The following TMEM38B variants were observed in gnomAD, a reference collection of about 807,000 sequenced individuals.
The protein encoded by TMEM38B is trimeric intracellular cation channel type B.
A neutral mutation model predicts 28.7 loss-of-function variants in TMEM38B; 24 were observed. The ratio of observed to expected loss-of-function variants is 0.84; its 90% CI spans 0.61 to 1.18. The LOEUF (loss-of-function observed/expected upper bound fraction) is 1.18, where lower values mean the gene tolerates loss of function less well. Ranked by LOEUF, TMEM38B falls within the 50% of genes most tolerant of loss-of-function variation. The probability of loss-of-function intolerance (pLI) is 0.00; values close to 1 mark genes in which losing one functional copy is unlikely to be tolerated. For missense variants in TMEM38B, 380 were observed against 350.9 expected (o/e 1.08, Z -0.66); for synonymous variants, 131 against 127.7 (o/e 1.03, Z -0.17).
intron 4 of TMEM38B, among the ~76,000 whole-genome samples, chr9:105,738,979 C>G (rs1837087353): frequency 6.6e-6 from 1 of 152,076 alleles, no homozygotes; most frequent in African/African-American, 2.4e-5. Context: ...TGCCTAGTCT[C>G]CCAAAGTGCT....
rs947450460 is a variant in TMEM38B at position 105,752,054 on chromosome 9, C to T, written c.660+3864C>T. Reference sequence around the variant, plus strand: ...GAAAGAGTTTCCCCACAATGCAGCACAGCTGCTTTGCTAGATCATTACCAG... The same window carrying T: ...GAAAGAGTTTCCCCACAATGCAGCATAGCTGCTTTGCTAGATCATTACCAG... On this transcript the variant is annotated intron_variant, in intron 5 of 5. Transcript: ENST00000374692. Among the ~76,000 whole-genome samples the T allele has an allele frequency of 3.9e-5, 6 of 152,216 alleles. 1 individual carries two copies. The highest frequency in any genetic ancestry group is 2.0e-4 in the Admixed American group (3 of 15,290).
At chr9:105,741,716 C>T (rs1479995672) in intron 4 of TMEM38B, among the ~76,000 whole-genome samples, 4 of 152,104 alleles carry the variant, frequency 2.6e-5, no homozygotes, top group East Asian at 1.9e-4. Context: ...CTTCCTGATG[C>T]TTATAATAAA....
chr9:105,700,643 G>A (rs115662348), intron 1 of TMEM38B, among the ~76,000 whole-genome samples: 2 of 152,060 alleles, frequency 1.3e-5, no homozygotes, highest in African/African-American at 4.8e-5. Flanking sequence ...GATTTCTGTC[G>A]TTTCTATGAA....
rs1826712564 is a variant in TMEM38B at position 105,776,109 on chromosome 9, T to A, written c.*2029T>A. The A allele has an allele frequency of 6.6e-6, 1 of 152,052 alleles. No individual in the cohort carries two copies. Among genetic ancestry groups the A allele is most frequent in the Non-Finnish European group, 1.5e-5 (1 of 68,014 alleles). The allele number at this position is 152,052 out of a possible 1,614,324, so 9.4% of individuals were successfully genotyped here. A position where few individuals can be genotyped will look rare whatever the true frequency, so the allele number is the denominator to read the frequency against. On this transcript the variant is annotated 3_prime_UTR_variant, in exon 6 of 6. Transcript: ENST00000374692. ...AGATTGTTAGACTCCTTACCCAATGTGAAGTGTGAATAAGGCCTATAGGCC... is the reference window on the plus strand; with the variant it reads ...AGATTGTTAGACTCCTTACCCAATGAGAAGTGTGAATAAGGCCTATAGGCC...
intron 2 of TMEM38B, among the ~76,000 whole-genome samples, chr9:105,713,396 C>T (rs948523599): frequency 6.6e-6 from 1 of 152,192 alleles, no homozygotes; most frequent in Non-Finnish European, 1.5e-5. Flanking sequence ...CTGGCCTCTC[C>T]CCAATCTTGG....
chr9:105,774,023 G>T lies in TMEM38B; in HGVS notation c.819G>T (p.Lys273Asn), dbSNP rs902982030. Reference sequence around the variant, plus strand: ...ATGGCGTTGGGTCATTGGCCTCAAAGCCGGTAGATGTTGCCTCAGATAATG... The same window carrying T: ...ATGGCGTTGGGTCATTGGCCTCAAATCCGGTAGATGTTGCCTCAGATAATG... ...PSNGVGSLAS[K>N]PVDVASDNVK... The change falls in exon 6 of 6, where the codon AAG (lysine) becomes AAT (asparagine). Residue 273 changes from lysine (K) to asparagine (N), a missense_variant. Physicochemically the swap from Lys to Asn is moderately conservative, Grantham distance 94. Transcript: ENST00000374692. 1.9e-6 allele frequency: 3 copies of T among 1,613,694 alleles called. No individual in the cohort carries two copies. The highest frequency in any genetic ancestry group is 2.5e-6 in the Non-Finnish European group (3 of 1,179,772).
intron 4 of TMEM38B, among the ~76,000 whole-genome samples, chr9:105,737,788 G>C (rs1243884677): frequency 6.6e-6 from 1 of 152,180 alleles, no homozygotes; most frequent in Non-Finnish European, 1.5e-5. Context: ...CAGCTCCGGT[G>C]CTGCTTTGGC....
Position 105,694,604 on chromosome 9 carries a change from G to A in TMEM38B, c.-57G>A. ...TGTGCCCTCTCCTACTCCTCACCGC[G>A]CGAGCGCGGGGAACCAGTAGCCGCG... On this transcript the variant is annotated 5_prime_UTR_variant, in exon 1 of 6. Coordinates refer to ENST00000374692, the MANE Select transcript of TMEM38B (RefSeq NM_018112.3). The A allele has an allele frequency of 6.8e-7, 1 of 1,480,178 alleles. No individual in the cohort carries two copies. Among genetic ancestry groups the A allele is most frequent in the Non-Finnish European group, 9.4e-7 (1 of 1,061,696 alleles). 91.7% of individuals were successfully genotyped at this position (1,480,178 alleles called of 1,614,324 possible).
chr9:105,695,490 C>T (rs1389669251), intron 1 of TMEM38B, among the ~76,000 whole-genome samples: 1 of 152,186 alleles, frequency 6.6e-6, no homozygotes, highest in Non-Finnish European at 1.5e-5. Flanking sequence ...CTTGAAACAG[C>T]ATTTTGAGTT....
chr9:105,742,378 A>C (rs1028914986), intron 4 of TMEM38B, among the ~76,000 whole-genome samples: 1 of 152,138 alleles, frequency 6.6e-6, no homozygotes, highest in African/African-American at 2.4e-5. Flanking sequence ...TCCTAATGGA[A>C]TTTGCCCTTC....
At chr9:105,724,099 G>A (rs909887482) in intron 4 of TMEM38B, among the ~76,000 whole-genome samples, 14 of 152,068 alleles carry the variant, frequency 9.2e-5, no homozygotes, top group Non-Finnish European at 1.9e-4. Context: ...GCCTCCCAAA[G>A]TGCTGGGATT....
At chr9:105,731,300 T>C (rs958254808) in intron 4 of TMEM38B, among the ~76,000 whole-genome samples, 8 of 114,454 alleles carry the variant, frequency 7.0e-5, no homozygotes, top group African/African-American at 3.1e-4. Context: ...ACATCTTTAT[T>C]ATTATTATTA....
chr9:105,755,853 A>G (rs181355529), intron 5 of TMEM38B, among the ~76,000 whole-genome samples: 23 of 152,350 alleles, frequency 1.5e-4, no homozygotes, highest in Admixed American at 2.6e-4. Context: ...ACAAATATGT[A>G]GAAATACAAT....
chr9:105,753,514 A>G (rs1160939622), intron 5 of TMEM38B, among the ~76,000 whole-genome samples: 2 of 152,220 alleles, frequency 1.3e-5, no homozygotes, highest in Non-Finnish European at 2.9e-5. Flanking sequence ...CCAATATTCA[A>G]TATTCTTAAA....
chr9:105,730,932 T>C (rs992841164), intron 4 of TMEM38B, among the ~76,000 whole-genome samples: 2 of 152,180 alleles, frequency 1.3e-5, no homozygotes, highest in Admixed American at 1.3e-4. Context: ...CATTTTTTAT[T>C]GCGTCTATTT....
rs768066355 is a variant in TMEM38B, at chr9:105,748,133, G to A, written c.603G>A (p.Leu201=). ...TCACATTCCAGCACACCCAGCATCT[G>A]GCAATATCAAAGCATAATCTTATGT... ...VIFTFQHTQH[L]AISKHNLMFL... Residue 201 remains leucine (L), a synonymous_variant, in exon 5 of 6, where the codon CTG becomes CTA. Coordinates refer to ENST00000374692, the MANE Select transcript of TMEM38B (RefSeq NM_018112.3). The A allele has an allele frequency of 1.2e-6, 2 of 1,613,548 alleles. No homozygotes were observed. Among genetic ancestry groups the A allele is most frequent in the South Asian group, 2.2e-5 (2 of 91,040 alleles).
In TMEM38B at chr9:105,694,603, C is replaced by T; in HGVS notation, c.-58C>T. Reference sequence around the variant, plus strand: ...CTGTGCCCTCTCCTACTCCTCACCGCGCGAGCGCGGGGAACCAGTAGCCGC... The same window carrying T: ...CTGTGCCCTCTCCTACTCCTCACCGTGCGAGCGCGGGGAACCAGTAGCCGC... On this transcript the variant is annotated 5_prime_UTR_variant, in exon 1 of 6. Coordinates refer to ENST00000374692, the MANE Select transcript of TMEM38B (RefSeq NM_018112.3). The T allele has an allele frequency of 2.7e-6, 4 of 1,474,634 alleles. No homozygotes were observed. The highest frequency in any genetic ancestry group is 1.7e-5 in the Admixed American group (1 of 59,284). 91.3% of individuals were successfully genotyped at this position (1,474,634 alleles called of 1,614,324 possible).
chr9:105,741,045 C>T (rs1000509546), intron 4 of TMEM38B, among the ~76,000 whole-genome samples: 10 of 152,156 alleles, frequency 6.6e-5, no homozygotes, highest in Non-Finnish European at 1.3e-4. Context: ...TCTGGTGGGA[C>T]GGAATGCAGT....
At chr9:105,748,432 G>A (rs2133619288) in intron 5 of TMEM38B, among the ~76,000 whole-genome samples, 1 of 152,260 alleles carries the variant, frequency 6.6e-6, no homozygotes, top group South Asian at 2.1e-4. Flanking sequence ...TAGTATATTG[G>A]AGAAGACAGA....
Sources: allele counts gnomAD v4.1 joint callset (sites outside exome capture counted in the v4.1 genomes callset), GRCh38; gene constraint gnomAD v4.1.1; transcripts MANE v1.5; gene names NCBI Gene and HGNC (gene_info 2026-07-23, HGNC 2026-07-21).